ASIC2: variants seen among roughly 807,000 people sequenced by gnomAD.
ASIC2 encodes the protein acid-sensing ion channel 2.
In ASIC2, 25 loss-of-function variants were observed where a neutral mutation model predicts 57.3. That is an observed-to-expected ratio of 0.44 (90% CI 0.32 to 0.61). The LOEUF (loss-of-function observed/expected upper bound fraction) is 0.61. Among genes scored for constraint, ASIC2 ranks in the 20% least tolerant of loss-of-function variants. The pLI, the probability that ASIC2 is intolerant of heterozygous loss-of-function variation, is 0.06. For missense variants in ASIC2, 641 were observed against 738.1 expected (o/e 0.87, Z 1.52); for synonymous variants, 319 against 307.5 (o/e 1.04, Z -0.39).
At chr17:33,317,970 A>G (rs1282266236) in intron 1 of ASIC2, among the ~76,000 whole-genome samples, 2 of 151,728 alleles carry the variant, frequency 1.3e-5, no homozygotes, top group African/African-American at 4.8e-5. Context: ...GGCAAGGAGA[A>G]AAGATTGAGA....
rs115981705 is a variant in ASIC2, at chr17:33,230,748, C to G, written c.708+60660G>C. Among the ~76,000 whole-genome samples the G allele has an allele frequency of 5.9e-5, 9 of 152,134 alleles. No individual in the cohort carries two copies. The East Asian group carries it at 1.5e-3, about 26-fold the overall frequency. ...AAGATGCAACTTTCTCCAGGAAGAA[C>G]GAAGAAAGCAAAGCCCATGAGAAGA... On this transcript the variant is annotated intron_variant, in intron 1 of 9. Coordinates refer to ENST00000225823, the MANE Select transcript of ASIC2 (RefSeq NM_183377.2).
chr17:33,637,513 C>T (rs1450823889), intron 1 of ASIC2, among the ~76,000 whole-genome samples: 2 of 152,160 alleles, frequency 1.3e-5, no homozygotes, highest in Non-Finnish European at 2.9e-5. Flanking sequence ...TTTTTTCTCA[C>T]GTCTTTGTTC....
intron 1 of ASIC2, among the ~76,000 whole-genome samples, chr17:33,443,099 G>T (rs1911881114): frequency 6.6e-6 from 1 of 152,060 alleles, no homozygotes; most frequent in Non-Finnish European, 1.5e-5. Context: ...TTGTATTGCT[G>T]GAGCATATGC....
chr17:33,805,392 G>A (rs185948656), intron 1 of ASIC2, among the ~76,000 whole-genome samples: 123 of 152,258 alleles, frequency 8.1e-4, no homozygotes, highest in African/African-American at 2.9e-3. Context: ...TCACCCTTTT[G>A]AGAGTAATAG....
intron 1 of ASIC2, among the ~76,000 whole-genome samples, chr17:33,913,636 G>A (rs761821945): frequency 3.3e-5 from 5 of 151,894 alleles, no homozygotes; most frequent in Admixed American, 6.6e-5. Flanking sequence ...TTAATTATTC[G>A]ATATAATTCA....
intron 1 of ASIC2, among the ~76,000 whole-genome samples, chr17:33,242,726 A>G (rs1005287498): frequency 1.3e-5 from 2 of 151,944 alleles, no homozygotes; most frequent in Non-Finnish European, 2.9e-5. Flanking sequence ...TAAAACACCT[A>G]TTTTTCTTGC....
At chr17:33,466,357 A>G (rs998482719) in intron 1 of ASIC2, among the ~76,000 whole-genome samples, 1 of 152,220 alleles carries the variant, frequency 6.6e-6, no homozygotes, top group African/African-American at 2.4e-5. Flanking sequence ...AAACAAATGG[A>G]AGAACATTCC....
At chr17:33,670,292 C>T (rs1372487155) in intron 1 of ASIC2, among the ~76,000 whole-genome samples, 3 of 152,188 alleles carry the variant, frequency 2.0e-5, no homozygotes, top group Non-Finnish European at 4.4e-5. Flanking sequence ...GTTGAACTAC[C>T]CACCAGCCAT....
rs1304803045 is a variant in ASIC2 at position 34,113,186 on chromosome 17, C to T, written c.555+42792G>A. Among the ~76,000 whole-genome samples, 4 of 152,164 alleles carry T rather than the reference C, an allele frequency of 2.6e-5. No individual in the cohort carries two copies. In the East Asian group the frequency reaches 7.7e-4, roughly 29 times the overall value. ...CAACCCCAAGGAGAGGAGCTCTTTGCTTCCAGACATTGCCCGAAGAGAGGG... is the reference window on the plus strand; with the variant it reads ...CAACCCCAAGGAGAGGAGCTCTTTGTTTCCAGACATTGCCCGAAGAGAGGG... On this transcript the variant is annotated intron_variant, in intron 1 of 9. Transcript: ENST00000359872.
At chr17:34,050,069 C>T (rs931096467) in intron 1 of ASIC2, among the ~76,000 whole-genome samples, 2 of 152,158 alleles carry the variant, frequency 1.3e-5, no homozygotes, top group African/African-American at 4.8e-5. Context: ...AATGATTTTG[C>T]ATAACAATAT....
intron 1 of ASIC2, among the ~76,000 whole-genome samples, chr17:34,129,958 G>A (rs571037046): frequency 1.3e-5 from 2 of 152,332 alleles, no homozygotes; most frequent in South Asian, 2.1e-4. Context: ...CCAGCAAGGA[G>A]CTGGCCCAGT....
intron 1 of ASIC2, among the ~76,000 whole-genome samples, chr17:33,213,240 G>A (rs1055662986): frequency 6.6e-6 from 1 of 152,168 alleles, no homozygotes; most frequent in African/African-American, 2.4e-5. Context: ...GCCAGGAGGT[G>A]GGCATAGACT....
At chr17:33,089,358 G>A (rs752687451) in intron 2 of ASIC2, among the ~76,000 whole-genome samples, 1 of 152,186 alleles carries the variant, frequency 6.6e-6, no homozygotes, top group Non-Finnish European at 1.5e-5. Flanking sequence ...TGAGCCCAGG[G>A]ATGCAGGTAG....
intron 1 of ASIC2, among the ~76,000 whole-genome samples, chr17:34,104,281 G>A (rs1478044140): frequency 3.9e-5 from 6 of 151,900 alleles, no homozygotes; most frequent in South Asian, 2.1e-4. Flanking sequence ...CTGATTTTCC[G>A]TATGTATCTT....
At chr17:34,000,741 A>T (rs1165210385) in intron 1 of ASIC2, 2 of 152,112 alleles carry the variant, frequency 1.3e-5, no homozygotes, top group African/African-American at 4.8e-5. Context: ...GGTATCCCCC[A>T]CGTCCTGTAG....
intron 1 of ASIC2, among the ~76,000 whole-genome samples, chr17:33,825,714 C>T (rs544987236): frequency 1.3e-5 from 2 of 152,198 alleles, no homozygotes; most frequent in Non-Finnish European, 2.9e-5. Context: ...ACTATAAAAA[C>T]CTAAGGTTCC....
At position 33,712,431 on chromosome 17, in the gene ASIC2, A is replaced by T. The variant is rs77378303; in HGVS notation, c.555+443547T>A. 0.012 allele frequency among the ~76,000 whole-genome samples: 1,860 copies of T among 152,284 alleles called. 70 individuals are homozygous for T. The East Asian group carries it at 0.14, about 11-fold the overall frequency. Reference sequence around the variant, plus strand: ...TGTTAGTTATTTATTGCTGCATAACAATTTGCCCCCCAAAACTTGATGGCT... The same window carrying T: ...TGTTAGTTATTTATTGCTGCATAACTATTTGCCCCCCAAAACTTGATGGCT... On this transcript the variant is annotated intron_variant, in intron 1 of 9. Transcript: ENST00000359872.
At chr17:33,756,265 C>G (rs1290354340) in intron 1 of ASIC2, among the ~76,000 whole-genome samples, 7 of 152,234 alleles carry the variant, frequency 4.6e-5, no homozygotes, top group Non-Finnish European at 1.0e-4. Context: ...GGCTCTGAGA[C>G]AGCTGCTGAC....
chr17:33,169,142 TG>T (rs1555576540), intron 1 of ASIC2, among the ~76,000 whole-genome samples: 1 of 152,208 alleles, frequency 6.6e-6, no homozygotes, highest in Non-Finnish European at 1.5e-5. Flanking sequence ...GCCCCAGCTA[TG>T]GCTCAAGTGG....
Sources: gnomAD v4.1 joint callset for allele counts (sites outside exome capture counted in the v4.1 genomes callset) on GRCh38, gnomAD v4.1.1 for gene constraint, MANE v1.5 for transcripts, NCBI Gene and HGNC (gene_info 2026-07-23, HGNC 2026-07-21) for gene names.